Variants in HECW1 observed in about 807,000 individuals in gnomAD.
HECW1 encodes the protein HECT, C2 and WW domain containing E3 ubiquitin protein ligase 1.
HECW1 carries 61 observed loss-of-function variants against 182.3 expected under a neutral mutation model. The observed-to-expected ratio is 0.33, with a 90% CI of 0.27 to 0.41. The LOEUF is 0.41. Ranked by LOEUF, HECW1 falls within the 10% of genes least tolerant of loss-of-function variation. HECW1 has a pLI of 1.00. For missense variants in HECW1, 1,739 were observed against 2,108.9 expected, an observed-to-expected ratio of 0.82 and a Z score of 3.44; for synonymous variants, 859 against 832.6, an observed-to-expected ratio of 1.03 and a Z score of -0.55.
At chr7:43,415,930 C>G (rs2075978265) in intron 8 of HECW1, among the ~76,000 whole-genome samples, 1 of 129,898 alleles carries the variant, frequency 7.7e-6, no homozygotes, top group South Asian at 2.8e-4. Context: ...ATACATTCTT[C>G]TAAATTTTTT....
At chr7:43,436,267 G>A (rs963565716) in intron 8 of HECW1, among the ~76,000 whole-genome samples, 2 of 151,690 alleles carry the variant, frequency 1.3e-5, no homozygotes, top group African/African-American at 4.8e-5. Flanking sequence ...TAAGGGGACT[G>A]TAACATTCAA....
chr7:43,344,622 G>A (rs1813439567), intron 5 of HECW1, among the ~76,000 whole-genome samples: 1 of 151,620 alleles, frequency 6.6e-6, no homozygotes, highest in Admixed American at 6.6e-5. Flanking sequence ...TCTCTCTGCT[G>A]TCCTTTTAGA....
At position 43,456,328 on chromosome 7, in the gene HECW1, G is replaced by C; in HGVS notation, c.2532G>C (p.Arg844=). The stretch of plus-strand genomic sequence containing the variant: ...AAGCTCGAATTGACAGCCACGGGCG[G>C]GTCTTTTATGTGGACCACGTGAACC... ...NWEARIDSHG[R]VFYVDHVNRT... is the part of the protein sequence containing the mutation. The change falls in exon 13 of 30, where the codon CGG becomes CGC. Residue 844 remains arginine (R), a synonymous_variant. Transcript: ENST00000395891. 6.2e-7 allele frequency: 1 copy of C among 1,613,422 alleles called. No individual in the cohort carries two copies.
rs1025905596 is a variant in HECW1, at chr7:43,501,047, T to C, written c.3522-166T>C. The stretch of plus-strand genomic sequence containing the variant: ...CAAGGTTTAAAACAACACTGAGAAT[T>C]TGCAAGCAGCATGTACCTATCTTTC... On this transcript the variant is annotated intron_variant, in intron 20 of 29. Coordinates refer to ENST00000395891, the MANE Select transcript of HECW1 (RefSeq NM_015052.5). Among the ~76,000 whole-genome samples the C allele has an allele frequency of 2.0e-5, 3 of 152,288 alleles. No homozygotes were observed. The East Asian group carries it at 5.8e-4, about 29-fold the overall frequency.
At chr7:43,165,682 AG>A (rs201889091) in intron 2 of HECW1, among the ~76,000 whole-genome samples, 3,940 of 152,262 alleles carry the variant, frequency 0.026, 133 homozygotes, top group African/African-American at 0.09. Flanking sequence ...CTAATCACTT[AG>A]ATTTTTTTTT....
intron 3 of HECW1, among the ~76,000 whole-genome samples, chr7:43,278,680 A>T (rs1323497673): frequency 6.6e-6 from 1 of 151,458 alleles, no homozygotes; most frequent in Non-Finnish European, 1.5e-5. Context: ...CCCCAGGTGC[A>T]CCTGCTTAAG....
At chr7:43,222,616 T>C (rs758373600) in intron 2 of HECW1, among the ~76,000 whole-genome samples, 1 of 152,184 alleles carries the variant, frequency 6.6e-6, no homozygotes, top group Non-Finnish European at 1.5e-5. Context: ...TCTTCTTCCA[T>C]AGAGAGCCAA....
Position 43,369,891 on chromosome 7 carries a change from G to GGAT in HECW1, c.555+8912_555+8914dup, listed in dbSNP as rs1326189622. On this transcript the variant is annotated intron_variant, in intron 6 of 29. Transcript: ENST00000395891. ...AGGTGAAGTCTTTCAAATGATGGAG[G>GGAT]GATAGATAAATCTGATACAGCTTAA... Among the ~76,000 whole-genome samples the GGAT allele has an allele frequency of 2.0e-5, 3 of 152,162 alleles. No homozygotes were observed. The East Asian group carries it at 5.8e-4, about 29-fold the overall frequency.
chr7:43,445,256 G>GCTCGTGCTACAGCGC lies in HECW1; in HGVS notation c.2098_2112dup (p.Ala700_Ser704dup), dbSNP rs754299049. 3 of 1,612,330 alleles carry GCTCGTGCTACAGCGC rather than the reference G, an allele frequency of 1.9e-6. No homozygotes were observed. Among genetic ancestry groups the GCTCGTGCTACAGCGC allele is most frequent in the Non-Finnish European group, 1.7e-6 (2 of 1,178,850 alleles). Reference sequence around the variant, plus strand: ...TGCTACAGCACGTCCTGCTACAGCAGCTCGTGCTACAGCGCCTCGTGCTAC... The same window carrying GCTCGTGCTACAGCGC: ...TGCTACAGCACGTCCTGCTACAGCAGCTCGTGCTACAGCGCCTCGTGCTACAGCGCCTCGTGCTAC... On this transcript the variant is annotated inframe_insertion, in exon 11 of 30. Coordinates refer to ENST00000395891, the MANE Select transcript of HECW1 (RefSeq NM_015052.5).
At chr7:43,142,916 C>T (rs1170882521) in intron 2 of HECW1, among the ~76,000 whole-genome samples, 1 of 152,188 alleles carries the variant, frequency 6.6e-6, no homozygotes, top group Admixed American at 6.6e-5. Context: ...CGACAGGTCC[C>T]AGGCTGGCTC....
chr7:43,130,946 G>A (rs1786850233), intron 2 of HECW1, among the ~76,000 whole-genome samples: 1 of 152,074 alleles, frequency 6.6e-6, no homozygotes, highest in Non-Finnish European at 1.5e-5. Context: ...TCTTTAGTGT[G>A]GCACTTTACT....
intron 2 of HECW1, among the ~76,000 whole-genome samples, chr7:43,242,694 C>T (rs769798726): frequency 6.6e-6 from 1 of 152,098 alleles, no homozygotes; most frequent in African/African-American, 2.4e-5. Flanking sequence ...CTAGTGTGTT[C>T]CTTCTTGCGT....
intron 24 of HECW1, among the ~76,000 whole-genome samples, chr7:43,539,535 A>G: frequency 6.6e-6 from 1 of 152,230 alleles, no homozygotes; most frequent in East Asian, 1.9e-4. Flanking sequence ...TCATTGAGAT[A>G]TTTAATTTTT....
chr7:43,529,586 G>A (rs551930011), intron 24 of HECW1, among the ~76,000 whole-genome samples: 1 of 152,260 alleles, frequency 6.6e-6, no homozygotes, highest in Admixed American at 6.5e-5. Context: ...TCCACTGTGA[G>A]ATGACTTCAG....
intron 21 of HECW1, 71 bp from the exon 22 acceptor site, chr7:43,507,063 CCTT>C: frequency 1.3e-6 from 2 of 1,542,896 alleles, no homozygotes; most frequent in South Asian, 1.2e-5. Context: ...GAGCGAGACT[CCTT>C]CTCAAAAAAG....
chr7:43,504,436 C>G (rs1296411905), intron 21 of HECW1, among the ~76,000 whole-genome samples: 1 of 152,180 alleles, frequency 6.6e-6, no homozygotes, highest in African/African-American at 2.4e-5. Context: ...AACGTCTTTC[C>G]CTGATGCAGC....
At chr7:43,351,154 A>C (rs1466170323) in intron 5 of HECW1, among the ~76,000 whole-genome samples, 4 of 152,206 alleles carry the variant, frequency 2.6e-5, no homozygotes, top group African/African-American at 7.2e-5. Flanking sequence ...CTAGCCACCC[A>C]GCGAGTCTAC....
intron 2 of HECW1, among the ~76,000 whole-genome samples, chr7:43,137,629 A>T (rs1010343933): frequency 6.6e-6 from 1 of 151,844 alleles, no homozygotes; most frequent in Non-Finnish European, 1.5e-5. Flanking sequence ...GGCTCACTGC[A>T]ACCCACACCT....
intron 16 of HECW1, among the ~76,000 whole-genome samples, chr7:43,479,122 A>T (rs538722634): frequency 1.3e-5 from 2 of 152,244 alleles, no homozygotes; most frequent in East Asian, 3.9e-4. Context: ...TATGCACTTT[A>T]TTTGTATTAT....
Sources: gnomAD v4.1 joint callset for allele counts (sites outside exome capture counted in the v4.1 genomes callset) on GRCh38, gnomAD v4.1.1 for gene constraint, MANE v1.5 for transcripts, NCBI Gene and HGNC (gene_info 2026-07-23, HGNC 2026-07-21) for gene names.